The following ADARB2 variants were observed in gnomAD, a reference collection of about 807,000 sequenced individuals.
ADARB2 encodes inactive double-stranded RNA-specific editase B2.
Under a neutral mutation model 62.2 loss-of-function variants are expected in ADARB2, and 25 were observed. The ratio of observed to expected loss-of-function variants is 0.40; its 90% CI spans 0.29 to 0.56. ADARB2 has a LOEUF of 0.56. Ranked by LOEUF, ADARB2 falls within the 20% of genes least tolerant of loss-of-function variation. ADARB2 has a pLI of 0.43. For synonymous variants in ADARB2, 572 were observed against 500.8 expected (o/e 1.14, Z -1.90); for missense variants, 1,071 against 1,077.4 (o/e 0.99, Z 0.08).
intron 3 of ADARB2, among the ~76,000 whole-genome samples, chr10:1,332,486 T>G (rs1476600086): frequency 6.6e-6 from 1 of 151,100 alleles, no homozygotes; most frequent in Non-Finnish European, 1.5e-5. Flanking sequence ...GTTTTGTTTT[T>G]TTTTTTTTTG....
At chr10:1,734,615 T>C (rs1835276761) in intron 1 of ADARB2, among the ~76,000 whole-genome samples, 2 of 152,200 alleles carry the variant, frequency 1.3e-5, no homozygotes, top group African/African-American at 4.8e-5. Context: ...TAGGTAGAAA[T>C]ACGCATCTGA....
At chr10:1,250,341 G>A (rs1831025435) in intron 4 of ADARB2, among the ~76,000 whole-genome samples, 1 of 152,102 alleles carries the variant, frequency 6.6e-6, no homozygotes, top group Non-Finnish European at 1.5e-5. Flanking sequence ...AGGTGTTTGG[G>A]TCATGGGGTG....
intron 1 of ADARB2, among the ~76,000 whole-genome samples, chr10:1,526,011 G>A (rs577903250): frequency 4.6e-5 from 7 of 152,336 alleles, no homozygotes; most frequent in African/African-American, 1.2e-4. Flanking sequence ...ATGTATGCAC[G>A]TGTTTGTGTA....
intron 3 of ADARB2, among the ~76,000 whole-genome samples, chr10:1,323,478 T>C (rs765146398): frequency 2.6e-5 from 4 of 152,290 alleles, no homozygotes; most frequent in East Asian, 1.9e-4. Context: ...TATTCTAAAA[T>C]ATGTATATAA....
At chr10:1,376,184 G>A (rs1391613070) in intron 2 of ADARB2, among the ~76,000 whole-genome samples, 3 of 152,216 alleles carry the variant, frequency 2.0e-5, no homozygotes, top group African/African-American at 7.2e-5. Context: ...TAGGAAGGGA[G>A]GGCTGATTCA....
chr10:1,664,643 G>A (rs141199544), intron 1 of ADARB2, among the ~76,000 whole-genome samples: 65 of 152,298 alleles, frequency 4.3e-4, no homozygotes, highest in African/African-American at 1.5e-3. Context: ...CATCTCGGTC[G>A]TCTGGTAGGA....
intron 1 of ADARB2, among the ~76,000 whole-genome samples, chr10:1,489,313 CCT>C (rs1831590977): frequency 6.6e-6 from 1 of 151,446 alleles, no homozygotes; most frequent in African/African-American, 2.4e-5. Flanking sequence ...CGTGACAGTG[CCT>C]CTCTGGGAGC....
chr10:1,563,053 G>A (rs943832791), intron 1 of ADARB2, among the ~76,000 whole-genome samples: 4 of 152,164 alleles, frequency 2.6e-5, no homozygotes, highest in Admixed American at 1.3e-4. Flanking sequence ...TTGAGTCCCT[G>A]TGTCCTCCGC....
chr10:1,327,505 C>T (rs1564258447), intron 3 of ADARB2, among the ~76,000 whole-genome samples: 1 of 63,348 alleles, frequency 1.6e-5, no homozygotes, highest in Non-Finnish European at 3.3e-5. Context: ...CTCCTCACTG[C>T]CCAGCGCCTC....
intron 1 of ADARB2, among the ~76,000 whole-genome samples, chr10:1,392,311 C>A (rs1832577379): frequency 6.6e-6 from 1 of 152,136 alleles, no homozygotes; most frequent in Non-Finnish European, 1.5e-5. Context: ...TCTCTTGGTG[C>A]CCTCAGGCTA....
intron 3 of ADARB2, among the ~76,000 whole-genome samples, chr10:1,274,248 A>G (rs1462051812): frequency 6.6e-6 from 1 of 152,266 alleles, no homozygotes; most frequent in African/African-American, 2.4e-5. Flanking sequence ...CAGCTCAGGC[A>G]GTGGCCATGG....
intron 3 of ADARB2, among the ~76,000 whole-genome samples, chr10:1,281,789 C>A (rs1831373449): frequency 6.6e-6 from 1 of 152,214 alleles, no homozygotes; most frequent in South Asian, 2.1e-4. Context: ...AAAAGCCAAC[C>A]CCATCTCCTC....
intron 1 of ADARB2, among the ~76,000 whole-genome samples, chr10:1,638,286 G>T (rs1833938399): frequency 6.6e-6 from 1 of 152,116 alleles, no homozygotes; most frequent in Non-Finnish European, 1.5e-5. Context: ...GTTGAAAAAA[G>T]ATGACATATT....
intron 1 of ADARB2, among the ~76,000 whole-genome samples, chr10:1,500,731 A>G (rs1831757895): frequency 6.6e-6 from 1 of 152,224 alleles, no homozygotes; most frequent in Non-Finnish European, 1.5e-5. Context: ...GGAGCTTCCT[A>G]GCTGCCAATG....
chr10:1,314,898 G>A (rs540219768), intron 3 of ADARB2, among the ~76,000 whole-genome samples: 1 of 152,340 alleles, frequency 6.6e-6, no homozygotes, highest in East Asian at 1.9e-4. Context: ...ATATTTCACT[G>A]TTGGTGCAAA....
chr10:1,632,452 T>G (rs554160239), intron 1 of ADARB2, among the ~76,000 whole-genome samples: 7 of 152,062 alleles, frequency 4.6e-5, no homozygotes, highest in African/African-American at 1.4e-4. Flanking sequence ...ACATGCACAC[T>G]ACACATGTGC....
At chr10:1,619,530 C>T (rs1224910767) in intron 1 of ADARB2, among the ~76,000 whole-genome samples, 1 of 152,212 alleles carries the variant, frequency 6.6e-6, no homozygotes, top group Non-Finnish European at 1.5e-5. Flanking sequence ...TGGCTCACTG[C>T]AACCTCCACC....
chr10:1,433,132 AAATG>A (rs1165505941), intron 1 of ADARB2, among the ~76,000 whole-genome samples: 5 of 152,236 alleles, frequency 3.3e-5, no homozygotes, highest in Admixed American at 1.3e-4. Context: ...ATCAAAGAGA[AAATG>A]AAGTGAAGAG....
chr10:1,717,511 C>A (rs1487783873), intron 1 of ADARB2, among the ~76,000 whole-genome samples: 2 of 149,986 alleles, frequency 1.3e-5, no homozygotes, highest in African/African-American at 4.9e-5. Context: ...TTCTTTCTTT[C>A]TCTCTCTCTT....
Sources: gnomAD v4.1 joint callset for allele counts (sites outside exome capture counted in the v4.1 genomes callset) on GRCh38, gnomAD v4.1.1 for gene constraint, MANE v1.5 for transcripts, NCBI Gene and HGNC (gene_info 2026-07-23, HGNC 2026-07-21) for gene names.